The following PRIMPOL variants were observed in gnomAD, a reference collection of about 807,000 sequenced individuals.
The protein encoded by PRIMPOL is primase and DNA directed polymerase.
A neutral mutation model predicts 63.6 loss-of-function variants in PRIMPOL; 54 were observed. The ratio of observed to expected loss-of-function variants is 0.85; its 90% CI spans 0.68 to 1.07. The LOEUF is 1.07. Ranked by LOEUF, PRIMPOL falls within the 50% of genes least tolerant of loss-of-function variation. The pLI, the probability that PRIMPOL is intolerant of heterozygous loss-of-function variation, is 0.00. For synonymous variants in PRIMPOL, 197 were observed against 220.2 expected, an observed-to-expected ratio of 0.89 and a Z score of 0.93; for missense variants, 610 against 648.3, an observed-to-expected ratio of 0.94 and a Z score of 0.64.
intron 2 of PRIMPOL, among the ~76,000 whole-genome samples, chr4:184,654,509 G>A (rs1205840500): frequency 6.7e-6 from 1 of 148,706 alleles, no homozygotes; most frequent in Non-Finnish European, 1.5e-5. Flanking sequence ...AGAGTGCAGT[G>A]GCACGATCTT....
At chr4:184,650,953 C>T (rs1293934482) in intron 1 of PRIMPOL, among the ~76,000 whole-genome samples, 1 of 151,868 alleles carries the variant, frequency 6.6e-6, no homozygotes, top group Admixed American at 6.6e-5. Context: ...GATAGGAATT[C>T]CAATTTAAAG....
At chr4:184,693,278 T>C (rs140265960) in intron 13 of PRIMPOL, among the ~76,000 whole-genome samples, 5 of 152,288 alleles carry the variant, frequency 3.3e-5, no homozygotes, top group African/African-American at 1.2e-4. Flanking sequence ...TTTTAAAAAA[T>C]AAACTGTCTC....
intron 6 of PRIMPOL, among the ~76,000 whole-genome samples, chr4:184,671,888 G>C (rs1241507449): frequency 5.3e-5 from 8 of 151,102 alleles, no homozygotes; most frequent in Non-Finnish European, 1.0e-4. Flanking sequence ...GATTACAGGC[G>C]CACCACCACG....
chr4:184,685,828 A>G, intron 11 of PRIMPOL, 144 bp downstream of exon 11: 1 of 455,754 alleles, frequency 2.2e-6, no homozygotes, highest in Non-Finnish European at 3.7e-6. Flanking sequence ...CCAAGACGAA[A>G]TCTTGCTCTG....
chr4:184,652,533 G>A (rs2720388), intron 2 of PRIMPOL, among the ~76,000 whole-genome samples: 146,058 of 152,190 alleles, frequency 0.96, 70,409 homozygotes, highest in East Asian at 1. Context: ...GGAGAAAAAA[G>A]GAAAATCCAG....
Position 184,682,304 on chromosome 4 carries a change from G to A in PRIMPOL, c.1064G>A (p.Gly355Glu). 1.2e-6 allele frequency: 2 copies of A among 1,602,158 alleles called. No individual in the cohort carries two copies. Among genetic ancestry groups the A allele is most frequent in the Non-Finnish European group, 8.5e-7 (1 of 1,169,890 alleles). ...TCEPSQNKQKGVGYFNSIGTS... is the reference protein window; with the variant it reads ...TCEPSQNKQKEVGYFNSIGTS... ...GAGCCATCTCAGAATAAACAAAAAG[G>A]AGTTGGATATTTTAACAGTATCGGC... Residue 355 changes from glycine to glutamate, a missense_variant, in exon 9 of 14, where the codon GGA becomes GAA. Physicochemically the swap from Gly to Glu is moderately conservative, Grantham distance 98 (BLOSUM62 -2). Around this residue, in one of 3 missense-constraint regions of PRIMPOL, gnomAD observed 444 missense variants for 456.4 expected, o/e 0.97. Coordinates refer to ENST00000314970, the MANE Select transcript of PRIMPOL (RefSeq NM_152683.4).
At chr4:184,685,328 T>C in intron 9 of PRIMPOL, 81 bp from the exon 10 acceptor site, 1 of 1,033,074 alleles carries the variant, frequency 9.7e-7, no homozygotes, top group Non-Finnish European at 1.5e-6. Context: ...AAACCCGTAA[T>C]TGTGCTCAAC....
At position 184,685,348 on chromosome 4, in the gene PRIMPOL, T is replaced by A. The variant is rs921932093; in HGVS notation, c.1097-61T>A. ...CGTAATTGTGCTCAACAACATTTAA[T>A]CAAAATTTAACTTCTCAACTTTCAG... On this transcript the variant is annotated intron_variant, in intron 9 of 13. Coordinates refer to ENST00000314970, the MANE Select transcript of PRIMPOL (RefSeq NM_152683.4). 1.2e-5 allele frequency: 15 copies of A among 1,252,364 alleles called. No homozygotes were observed. The Admixed American group carries it at 2.6e-4, about 21-fold the overall frequency. The allele number at this position is 1,252,364 out of a possible 1,614,324, so 77.6% of individuals were successfully genotyped here. A position where few individuals can be genotyped will look rare whatever the true frequency, so the allele number is the denominator to read the frequency against.
At chr4:184,654,693 C>T (rs1461327120) in intron 2 of PRIMPOL, among the ~76,000 whole-genome samples, 1 of 152,062 alleles carries the variant, frequency 6.6e-6, no homozygotes, top group Non-Finnish European at 1.5e-5. Context: ...ACCTTGTGAT[C>T]CGCCTGCCTT....
rs375412862 is a variant in PRIMPOL, at chr4:184,659,446, C to T, written c.278+9C>T. 1.5e-5 allele frequency: 24 copies of T among 1,566,792 alleles called. No individual in the cohort carries two copies. In the African/African-American group the frequency reaches 3.1e-4, roughly 20 times the overall value. On this transcript the variant is annotated intron_variant, in intron 4 of 13. Coordinates refer to ENST00000314970, the MANE Select transcript of PRIMPOL (RefSeq NM_152683.4). The stretch of plus-strand genomic sequence containing the variant: ...TTTTACTATAAATCCAGGTAGGTAG[C>T]ATGCAGCAGAACCACACATTAAGCT...
At chr4:184,692,156 G>A (rs145342030) in intron 13 of PRIMPOL, among the ~76,000 whole-genome samples, 5 of 152,092 alleles carry the variant, frequency 3.3e-5, no homozygotes, top group East Asian at 1.9e-4. Flanking sequence ...AATAATTAAC[G>A]TGCATTGTAG....
intron 11 of PRIMPOL, among the ~76,000 whole-genome samples, chr4:184,690,668 C>A (rs373208321): frequency 6.6e-6 from 1 of 152,168 alleles, no homozygotes. Flanking sequence ...CTATGTTGGC[C>A]AGGCTGGTCT....
chr4:184,680,732 C>G (rs928233376), intron 8 of PRIMPOL, among the ~76,000 whole-genome samples: 3 of 152,060 alleles, frequency 2.0e-5, no homozygotes, highest in Non-Finnish European at 4.4e-5. Flanking sequence ...ACCTATCTTA[C>G]GGAGTTGTCG....
At chr4:184,661,081 C>T (rs1033059436) in intron 4 of PRIMPOL, among the ~76,000 whole-genome samples, 1 of 152,024 alleles carries the variant, frequency 6.6e-6, no homozygotes, top group Non-Finnish European at 1.5e-5. Context: ...ATGGAAAATT[C>T]ATGGAATCCC....
At chr4:184,661,621 G>A (rs186930052) in intron 4 of PRIMPOL, among the ~76,000 whole-genome samples, 153 bp from the exon 5 acceptor site, 51 of 152,258 alleles carry the variant, frequency 3.3e-4, no homozygotes, top group African/African-American at 1.1e-3. Flanking sequence ...CAGGAGAATC[G>A]CTTGAACCCA....
At chr4:184,656,071 C>G (rs1429624545) in intron 2 of PRIMPOL, among the ~76,000 whole-genome samples, 2 of 152,174 alleles carry the variant, frequency 1.3e-5, no homozygotes, top group African/African-American at 2.4e-5. Flanking sequence ...TGGCCCAGCT[C>G]ACATATCAGA....
chr4:184,654,453 G>GTTTTTTTTTTTTTGT (rs1553985963), intron 2 of PRIMPOL, among the ~76,000 whole-genome samples: 21 of 33,566 alleles, frequency 6.3e-4, no homozygotes, highest in African/African-American at 1.2e-3. Context: ...AGTTAAAGCA[G>GTTTTTTTTTTTTTGT]TTTTTTTTTT....
chr4:184,681,580 T>C (rs1282352933), intron 8 of PRIMPOL, among the ~76,000 whole-genome samples: 1 of 152,142 alleles, frequency 6.6e-6, no homozygotes, highest in East Asian at 1.9e-4. Flanking sequence ...TTCACTTATT[T>C]ACTTATTTTT....
At position 184,682,144 on chromosome 4, in the gene PRIMPOL, G is replaced by A. The variant is rs1755786077; in HGVS notation, c.1008-104G>A. On this transcript the variant is annotated intron_variant, in intron 8 of 13. Transcript: ENST00000314970. ...TAGAACAATTATCTGCTGAACAAAGGATTTTAATGAGGAACTATTAGGAAT... is the reference window on the plus strand; with the variant it reads ...TAGAACAATTATCTGCTGAACAAAGAATTTTAATGAGGAACTATTAGGAAT... 5.1e-6 allele frequency: 3 copies of A among 583,094 alleles called. No homozygotes were observed. In the Admixed American group the frequency reaches 9.3e-5, roughly 18 times the overall value. The allele number at this position is 583,094 out of a possible 1,614,324, so 36.1% of individuals were successfully genotyped here.
Sources: allele counts gnomAD v4.1 joint callset (sites outside exome capture counted in the v4.1 genomes callset), GRCh38; gene constraint gnomAD v4.1.1; regional missense constraint gnomAD v4.1.1; transcripts MANE v1.5; gene names NCBI Gene and HGNC (gene_info 2026-07-23, HGNC 2026-07-21).